The following RORA variants were observed in gnomAD, a reference collection of about 807,000 sequenced individuals.
RORA encodes the protein RAR related orphan receptor A.
Under a neutral mutation model 69.5 loss-of-function variants are expected in RORA, and 7 were observed. That is an observed-to-expected ratio of 0.10 (90% confidence interval 0.06 to 0.19). The LOEUF (loss-of-function observed/expected upper bound fraction) is 0.19. RORA is among the 10% of genes least tolerant of loss of function. The probability of loss-of-function intolerance (pLI) is 1.00; values close to 1 mark genes in which losing one functional copy is unlikely to be tolerated. For missense variants in RORA, 457 were observed against 663.0 expected, an observed-to-expected ratio of 0.69 and a Z score of 3.41; for synonymous variants, 261 against 240.8, an observed-to-expected ratio of 1.08 and a Z score of -0.78.
At chr15:60,829,224 T>C (rs2073006100) in intron 1 of RORA, among the ~76,000 whole-genome samples, 1 of 152,078 alleles carries the variant, frequency 6.6e-6, no homozygotes, top group African/African-American at 2.4e-5. Context: ...GAAGGCTTCA[T>C]CCCCACTGGC....
intron 1 of RORA, among the ~76,000 whole-genome samples, chr15:60,999,535 C>T (rs2140378916): frequency 6.6e-6 from 1 of 152,352 alleles, no homozygotes; most frequent in African/African-American, 2.4e-5. Context: ...AGCAGGTTGT[C>T]TTTTAGACAT....
intron 2 of RORA, among the ~76,000 whole-genome samples, chr15:60,600,263 C>T (rs376761554): frequency 6.6e-6 from 1 of 152,206 alleles, no homozygotes; most frequent in Non-Finnish European, 1.5e-5. Flanking sequence ...ATCCAAATCT[C>T]GCAGCTAGGA....
chr15:60,646,421 C>T (rs1457423228), intron 2 of RORA, among the ~76,000 whole-genome samples: 1 of 152,194 alleles, frequency 6.6e-6, no homozygotes, highest in African/African-American at 2.4e-5. Flanking sequence ...CATAGGATCA[C>T]ATGACTTTGA....
At chr15:60,951,786 T>C (rs1160736666) in intron 1 of RORA, among the ~76,000 whole-genome samples, 5 of 152,128 alleles carry the variant, frequency 3.3e-5, no homozygotes, top group African/African-American at 1.2e-4. Context: ...GCTGAAATTG[T>C]GGCAATAGTC....
At chr15:60,877,274 T>C (rs1425369381) in intron 1 of RORA, among the ~76,000 whole-genome samples, 2 of 152,220 alleles carry the variant, frequency 1.3e-5, no homozygotes, top group African/African-American at 2.4e-5. Flanking sequence ...GTAGTATTAC[T>C]GAACAATGAG....
chr15:61,147,824 T>C lies in RORA; in HGVS notation c.166+81229A>G, dbSNP rs2079363977. On this transcript the variant is annotated intron_variant, in intron 1 of 10. Transcript: ENST00000335670. This position sits in a 1 kb window ranked among gnomAD's most constrained non-coding sequence, Gnocchi z 4.1. Reference sequence around the variant, plus strand: ...TCTTTAGGTTTTTTTACCTGCCTCCTTCACTGTATAAGCCCAACCTGTTCA... The same window carrying C: ...TCTTTAGGTTTTTTTACCTGCCTCCCTCACTGTATAAGCCCAACCTGTTCA... Among the ~76,000 whole-genome samples, 1 of 144,846 alleles carries C rather than the reference T, an allele frequency of 6.9e-6. No homozygotes were observed. Among genetic ancestry groups the C allele is most frequent in the Non-Finnish European group, 1.5e-5 (1 of 64,842 alleles).
At position 60,493,870 on chromosome 15, in the gene RORA, A is replaced by G. The variant is rs1213980940; in HGVS notation, c.*3585T>C. ...CCCATCTTCTAGTTTTGATTTAAGT[A>G]TTTTGAATACATTTTCTTTTCCATT... On this transcript the variant is annotated 3_prime_UTR_variant, in exon 11 of 11. Transcript: ENST00000335670. The G allele has an allele frequency of 1.3e-5, 2 of 151,872 alleles. No homozygotes were observed. Among genetic ancestry groups the G allele is most frequent in the African/African-American group, 4.8e-5 (2 of 41,322 alleles). The allele number at this position is 151,872 out of a possible 1,614,324, so 9.4% of individuals were successfully genotyped here.
At chr15:61,063,535 G>A (rs2078216014) in intron 1 of RORA, among the ~76,000 whole-genome samples, 1 of 152,132 alleles carries the variant, frequency 6.6e-6, no homozygotes, top group South Asian at 2.1e-4. Flanking sequence ...AACCAACAGT[G>A]CAATAAAATG....
rs374497995 is a variant in RORA, at chr15:61,034,213, A to T, written c.166+194840T>A. Among the ~76,000 whole-genome samples, 242 of 152,292 alleles carry T rather than the reference A, an allele frequency of 1.6e-3. 1 individual carries two copies. Among genetic ancestry groups the T allele is most frequent in the African/African-American group, 5.5e-3 (229 of 41,572 alleles). ...GAAGAAATGTGTTGAAATTGCAGCT[A>T]TATAAAATCCTTGATGGACTGAAAC... On this transcript the variant is annotated intron_variant, in intron 1 of 10. Transcript: ENST00000335670.
At chr15:61,135,261 G>A (rs917027618) in intron 1 of RORA, among the ~76,000 whole-genome samples, 32 of 151,804 alleles carry the variant, frequency 2.1e-4, no homozygotes, top group Non-Finnish European at 3.8e-4. Flanking sequence ...AACACAGGAG[G>A]TGGAGGCTGC....
chr15:60,828,266 C>T (rs2072992716), intron 1 of RORA, among the ~76,000 whole-genome samples: 1 of 152,186 alleles, frequency 6.6e-6, no homozygotes, highest in South Asian at 2.1e-4. Context: ...GACTCAGTGT[C>T]TCAGCCTGGC....
chr15:60,531,740 A>T lies in RORA; in HGVS notation c.282+26T>A. On this transcript the variant is annotated intron_variant, in intron 3 of 10. Coordinates refer to ENST00000335670, the MANE Select transcript of RORA (RefSeq NM_134261.3). This position sits in a 1 kb window ranked among gnomAD's most constrained non-coding sequence, Gnocchi z 4.8. ...GATATATTCTAACAAACATTAATAGAAACAACAACAATTAAAAAGGCTTAC... is the reference window on the plus strand; with the variant it reads ...GATATATTCTAACAAACATTAATAGTAACAACAACAATTAAAAAGGCTTAC... 1 of 1,282,516 alleles carries T rather than the reference A, an allele frequency of 7.8e-7. No individual in the cohort carries two copies. The highest frequency in any genetic ancestry group is 1.3e-5 in the South Asian group (1 of 75,754). 79.4% of individuals were successfully genotyped at this position (1,282,516 alleles called of 1,614,324 possible).
intron 2 of RORA, among the ~76,000 whole-genome samples, chr15:60,675,709 T>A (rs953579245): frequency 3.3e-5 from 5 of 152,340 alleles, no homozygotes; most frequent in African/African-American, 9.6e-5. Context: ...TTATTTTTTT[T>A]AAAAGAAACA....
intron 1 of RORA, among the ~76,000 whole-genome samples, chr15:61,158,284 G>A (rs1223639166): frequency 1.3e-5 from 2 of 152,136 alleles, no homozygotes; most frequent in Non-Finnish European, 2.9e-5. Flanking sequence ...TGGCTTAAAC[G>A]AAGACCTGAC....
chr15:61,148,714 C>CTAATTATATT (rs2079372421), intron 1 of RORA, among the ~76,000 whole-genome samples: 1 of 152,162 alleles, frequency 6.6e-6, no homozygotes, highest in Non-Finnish European at 1.5e-5. Flanking sequence ...AATTCTCTAA[C>CTAATTATATT]CAAATGTCCA....
At position 60,854,624 on chromosome 15, in the gene RORA, T is replaced by C. The variant is rs138309467; in HGVS notation, c.167-175938A>G. On this transcript the variant is annotated intron_variant, in intron 1 of 10. Transcript: ENST00000335670. ...AGGTATCAGAAACAAAATTAGCAAC[T>C]TGTAGCACTTCAGCTAAGCTTCCTA... 1.6e-3 allele frequency among the ~76,000 whole-genome samples: 246 copies of C among 152,292 alleles called. 1 individual carries two copies. The highest frequency in any genetic ancestry group is 5.8e-3 in the African/African-American group (241 of 41,542).
At chr15:60,743,394 GTTAAGTAGC>G (rs1232651028) in intron 1 of RORA, among the ~76,000 whole-genome samples, 1 of 152,142 alleles carries the variant, frequency 6.6e-6, no homozygotes. Context: ...CATAGCAAAG[GTTAAGTAGC>G]TACTTATTAA....
At chr15:60,947,053 G>T (rs534566987) in intron 1 of RORA, among the ~76,000 whole-genome samples, 1 of 87,162 alleles carries the variant, frequency 1.1e-5, no homozygotes, top group African/African-American at 3.0e-5. Flanking sequence ...CGCCCCGTCC[G>T]GGAGGGAGGT....
chr15:60,561,074 T>TG (rs2067532803), intron 2 of RORA, among the ~76,000 whole-genome samples: 1 of 130,054 alleles, frequency 7.7e-6, no homozygotes, highest in African/African-American at 4.1e-5. Flanking sequence ...TTTTTTTGTT[T>TG]TGTTTTTGTT....
Sources: allele counts gnomAD v4.1 joint callset (sites outside exome capture counted in the v4.1 genomes callset), GRCh38; gene constraint gnomAD v4.1.1; non-coding constraint Gnocchi (gnomAD v3.1); transcripts MANE v1.5; gene names NCBI Gene and HGNC (gene_info 2026-07-23, HGNC 2026-07-21).